The following GRIK1 variants were observed in gnomAD, a reference collection of about 807,000 sequenced individuals.
GRIK1 encodes glutamate receptor ionotropic, kainate 1.
A neutral mutation model predicts 105.7 loss-of-function variants in GRIK1; 69 were observed. The observed-to-expected ratio is 0.65, with a 90% CI of 0.54 to 0.80. The LOEUF (loss-of-function observed/expected upper bound fraction) is 0.80, where lower values mean the gene tolerates loss of function less well. Ranked by LOEUF, GRIK1 falls within the 30% of genes least tolerant of loss-of-function variation. The pLI is 0.00. For synonymous variants in GRIK1, 438 were observed against 431.3 expected, an observed-to-expected ratio of 1.02 and a Z score of -0.19; for missense variants, 1,109 against 1,167.3, an observed-to-expected ratio of 0.95 and a Z score of 0.73.
intron 8 of GRIK1, among the ~76,000 whole-genome samples, chr21:29,596,973 C>T (rs2061427191): frequency 6.8e-6 from 1 of 147,778 alleles, no homozygotes; most frequent in Non-Finnish European, 1.5e-5. Flanking sequence ...CACACACAAA[C>T]ACACACACAC....
intron 1 of GRIK1, among the ~76,000 whole-genome samples, chr21:29,728,881 A>G (rs574336499): frequency 3.9e-5 from 6 of 152,196 alleles, no homozygotes; most frequent in Non-Finnish European, 7.3e-5. Flanking sequence ...TAAGTAAGAG[A>G]TAGTTTGCAG....
intron 1 of GRIK1, among the ~76,000 whole-genome samples, chr21:29,925,104 G>A (rs73347885): frequency 0.02 from 3,098 of 152,312 alleles, 127 homozygotes; most frequent in African/African-American, 0.071. Context: ...TTGTCATAGA[G>A]TTGTATTGAG....
intron 1 of GRIK1, among the ~76,000 whole-genome samples, chr21:29,902,754 A>G (rs1465759524): frequency 6.6e-6 from 1 of 151,924 alleles, no homozygotes; most frequent in African/African-American, 2.4e-5. Context: ...ATCCCCATCA[A>G]GCTACCACTG....
intron 1 of GRIK1, among the ~76,000 whole-genome samples, chr21:29,890,776 T>G (rs1170065291): frequency 6.6e-6 from 1 of 152,044 alleles, no homozygotes; most frequent in Non-Finnish European, 1.5e-5. Context: ...CACACATACA[T>G]AGACACGCAC....
Position 29,867,819 on chromosome 21 carries a change from TGAAA to T in GRIK1, c.118+71560_118+71563del, listed in dbSNP as rs1229314777. Among the ~76,000 whole-genome samples the T allele has an allele frequency of 7.1e-3, 327 of 45,954 alleles. 1 individual carries two copies. The highest frequency in any genetic ancestry group is 0.02 in the African/African-American group (203 of 10,084). The allele number at this position is 45,954 out of a possible 152,430, so 30.1% of individuals were successfully genotyped here. ...AAAGAAGAAAGAAAGAAAGAAAGAA[TGAAA>T]GAAAGAAAGAAAGAAAGAAGGAAGG... On this transcript the variant is annotated intron_variant, in intron 1 of 17. Coordinates refer to ENST00000327783, the MANE Select transcript of GRIK1 (RefSeq NM_001330994.2).
chr21:29,679,996 G>A (rs1224223950), intron 3 of GRIK1, among the ~76,000 whole-genome samples: 3 of 152,188 alleles, frequency 2.0e-5, no homozygotes, highest in Admixed American at 6.5e-5. Context: ...TTTGCCATAG[G>A]AGGGAATATG....
intron 1 of GRIK1, among the ~76,000 whole-genome samples, chr21:29,878,660 C>T (rs2069281929): frequency 6.6e-6 from 1 of 151,992 alleles, no homozygotes; most frequent in South Asian, 2.1e-4. Flanking sequence ...AGGTGAAGGC[C>T]TTATGAATAA....
intron 7 of GRIK1, among the ~76,000 whole-genome samples, chr21:29,639,337 T>C (rs760047446): frequency 2.0e-5 from 3 of 152,204 alleles, no homozygotes; most frequent in Admixed American, 6.5e-5. Flanking sequence ...AACGCATAGC[T>C]TGGAGATAGA....
chr21:29,838,782 T>A (rs1196603510), intron 1 of GRIK1, among the ~76,000 whole-genome samples: 1 of 152,170 alleles, frequency 6.6e-6, no homozygotes, highest in African/African-American at 2.4e-5. Flanking sequence ...AAAATAACAG[T>A]TACAAAGATC....
rs188756536 is a variant in GRIK1 at position 29,847,188 on chromosome 21, A to G, written c.118+92195T>C. On this transcript the variant is annotated intron_variant, in intron 1 of 17. Coordinates refer to ENST00000327783, the MANE Select transcript of GRIK1 (RefSeq NM_001330994.2). Reference sequence around the variant, plus strand: ...GCTCTCCGCTCTTTTCTTCACTCTCATTGTCCTTTTCCTTCTTCTTCCCAT... The same window carrying G: ...GCTCTCCGCTCTTTTCTTCACTCTCGTTGTCCTTTTCCTTCTTCTTCCCAT... 8.1e-4 allele frequency among the ~76,000 whole-genome samples: 123 copies of G among 151,880 alleles called. 1 individual carries two copies. Among genetic ancestry groups the G allele is most frequent in the African/African-American group, 2.9e-3 (122 of 41,378 alleles).
At chr21:29,843,870 G>A (rs1342364270) in intron 1 of GRIK1, among the ~76,000 whole-genome samples, 3 of 152,320 alleles carry the variant, frequency 2.0e-5, no homozygotes, top group African/African-American at 7.2e-5. Context: ...TCCTTCTAGA[G>A]CGATGATTCT....
chr21:29,893,084 A>G (rs531283806), intron 1 of GRIK1, among the ~76,000 whole-genome samples: 1 of 152,204 alleles, frequency 6.6e-6, no homozygotes, highest in East Asian at 1.9e-4. Context: ...AAAATAATAC[A>G]GTTGTTGAAA....
intron 1 of GRIK1, among the ~76,000 whole-genome samples, chr21:29,914,860 G>A (rs904775165): frequency 2.6e-5 from 4 of 152,030 alleles, no homozygotes; most frequent in African/African-American, 9.7e-5. Flanking sequence ...ATTGAGATCA[G>A]GGTGTTCTTT....
Position 29,562,678 on chromosome 21 carries a change from T to A in GRIK1, c.2131-829A>T, listed in dbSNP as rs1460353045. 2.0e-5 allele frequency among the ~76,000 whole-genome samples: 3 copies of A among 152,002 alleles called. No homozygotes were observed. The East Asian group carries it at 5.8e-4, about 29-fold the overall frequency. ...CTCAAAAAAAAAAAGAAGAAAAATC[T>A]TCATACTGTATTTATATGCCTTTTT... is the stretch of plus-strand genomic sequence containing the variant. On this transcript the variant is annotated intron_variant, in intron 14 of 17. Coordinates refer to ENST00000327783, the MANE Select transcript of GRIK1 (RefSeq NM_001330994.2).
intron 4 of GRIK1, among the ~76,000 whole-genome samples, chr21:29,660,389 A>G (rs1412729222): frequency 3.3e-5 from 5 of 152,218 alleles, no homozygotes; most frequent in Admixed American, 6.5e-5. Context: ...TCTACAAAAT[A>G]CAGGGAAAGT....
intron 7 of GRIK1, among the ~76,000 whole-genome samples, chr21:29,626,738 G>A (rs1269705955): frequency 6.6e-6 from 1 of 152,136 alleles, no homozygotes; most frequent in Non-Finnish European, 1.5e-5. Flanking sequence ...TGTATGTGTT[G>A]ATGAGCACAC....
intron 1 of GRIK1, among the ~76,000 whole-genome samples, chr21:29,914,612 G>C (rs1252323065): frequency 1.3e-5 from 2 of 152,108 alleles, no homozygotes; most frequent in Non-Finnish European, 2.9e-5. Context: ...TTGGGAACAA[G>C]ATAGCATTGC....
intron 6 of GRIK1, among the ~76,000 whole-genome samples, chr21:29,649,133 A>C (rs2062675965): frequency 6.6e-6 from 1 of 152,156 alleles, no homozygotes; most frequent in Admixed American, 6.5e-5. Flanking sequence ...AGCCACATCC[A>C]GGAGAAACAG....
chr21:29,657,029 A>G (rs1018583236), intron 4 of GRIK1, among the ~76,000 whole-genome samples: 8 of 152,350 alleles, frequency 5.3e-5, no homozygotes, highest in South Asian at 2.1e-4. Context: ...AAGGCCATGC[A>G]TGGTGAGGTC....
Sources: allele counts gnomAD v4.1 joint callset (sites outside exome capture counted in the v4.1 genomes callset), GRCh38; gene constraint gnomAD v4.1.1; transcripts MANE v1.5; gene names NCBI Gene and HGNC (gene_info 2026-07-23, HGNC 2026-07-21).